The following ABCB7 variants were observed in gnomAD, a reference collection of about 807,000 sequenced individuals.
The protein encoded by ABCB7 is iron-sulfur clusters transporter ABCB7, mitochondrial.
A neutral mutation model predicts 54.4 loss-of-function variants in ABCB7; 7 were observed. The observed-to-expected ratio is 0.13, with a 90% CI of 0.07 to 0.24. The LOEUF (loss-of-function observed/expected upper bound fraction) is 0.24. Among genes scored for constraint, ABCB7 ranks in the 10% least tolerant of loss-of-function variants. The pLI, the probability that ABCB7 is intolerant of heterozygous loss-of-function variation, is 1.00. For synonymous variants in ABCB7, 218 were observed against 207.1 expected (o/e 1.05, Z -0.45); for missense variants, 356 against 570.4 (o/e 0.62, Z 3.83).
At chrX:75,151,965 T>C (rs1340085829) in intron 1 of ABCB7, among the ~76,000 whole-genome samples, 3 of 111,534 alleles carry the variant, frequency 2.7e-5, no homozygotes, top group Non-Finnish European at 5.6e-5. Context: ...TTCAATATCA[T>C]TCCTTCCAAG....
At chrX:75,127,712 T>A (rs1404579490) in intron 1 of ABCB7, among the ~76,000 whole-genome samples, 1 of 112,172 alleles carries the variant, frequency 8.9e-6, no homozygotes, top group Non-Finnish European at 1.9e-5. Flanking sequence ...TTCAGCAAAG[T>A]CACAGGATAC....
intron 12 of ABCB7, among the ~76,000 whole-genome samples, chrX:75,066,963 C>G (rs761557374): frequency 7.2e-5 from 8 of 111,819 alleles, no homozygotes; most frequent in Non-Finnish European, 1.3e-4. Context: ...ACTGATGCTA[C>G]TATAAATAAT....
intron 1 of ABCB7, among the ~76,000 whole-genome samples, chrX:75,120,306 G>C (rs1231237754): frequency 8.9e-6 from 1 of 112,093 alleles, no homozygotes; most frequent in East Asian, 2.8e-4. Flanking sequence ...ATTTGCATAA[G>C]TGCAATAAGA....
intron 15 of ABCB7, among the ~76,000 whole-genome samples, chrX:75,056,229 A>G (rs749534862): frequency 1.4e-4 from 16 of 111,701 alleles, no homozygotes; most frequent in Middle Eastern, 4.6e-3. Context: ...ATATGGTTTC[A>G]GCAACCAGTG....
At chrX:75,128,134 T>C (rs2081947829) in intron 1 of ABCB7, among the ~76,000 whole-genome samples, 1 of 111,734 alleles carries the variant, frequency 8.9e-6, no homozygotes. Flanking sequence ...AGAGCCCATA[T>C]AGCCAAGAGA....
chrX:75,107,617 G>A (rs1012601647), intron 3 of ABCB7, among the ~76,000 whole-genome samples: 1 of 110,640 alleles, frequency 9.0e-6, no homozygotes, highest in Non-Finnish European at 1.9e-5. Flanking sequence ...GGGAATCCAC[G>A]GCCTTGAAGG....
intron 5 of ABCB7, 26 bp from the exon 6 acceptor site, chrX:75,075,656 T>G (rs184127983): frequency 8.5e-7 from 1 of 1,183,402 alleles, no homozygotes; most frequent in Non-Finnish European, 1.1e-6. Context: ...AAAGAAAAAA[T>G]AGGATGTAAC....
At chrX:75,084,153 T>C (rs530706981) in intron 4 of ABCB7, among the ~76,000 whole-genome samples, 10 of 111,352 alleles carry the variant, frequency 9.0e-5, no homozygotes, top group South Asian at 3.8e-4. Flanking sequence ...GGCAAGGAAA[T>C]AGATTTTCCT....
chrX:75,086,238 A>C, intron 4 of ABCB7, among the ~76,000 whole-genome samples: 1 of 112,140 alleles, frequency 8.9e-6, no homozygotes, highest in Middle Eastern at 4.6e-3. Flanking sequence ...AAAGACTGGT[A>C]TATCATTACA....
At chrX:75,098,107 G>C (rs1191021973) in intron 4 of ABCB7, among the ~76,000 whole-genome samples, 1 of 111,086 alleles carries the variant, frequency 9.0e-6, no homozygotes, top group East Asian at 2.8e-4. Context: ...TCAGGAGTTA[G>C]AGACCAGCCT....
At chrX:75,082,943 T>C (rs779842806) in intron 4 of ABCB7, among the ~76,000 whole-genome samples, 1 of 111,284 alleles carries the variant, frequency 9.0e-6, no homozygotes, top group East Asian at 2.8e-4. Flanking sequence ...AGAAAACACA[T>C]AATAAAATGG....
intron 1 of ABCB7, among the ~76,000 whole-genome samples, chrX:75,140,371 C>T (rs2082045355): frequency 9.0e-6 from 1 of 110,842 alleles, no homozygotes; most frequent in South Asian, 3.8e-4. Flanking sequence ...TCAAGTCCAT[C>T]GTGGGCAATA....
intron 3 of ABCB7, among the ~76,000 whole-genome samples, chrX:75,110,677 C>T (rs1285344057): frequency 8.9e-6 from 1 of 111,736 alleles, no homozygotes; most frequent in Non-Finnish European, 1.9e-5. Context: ...AGATACATGG[C>T]TAACTAAATT....
At chrX:75,107,765 T>C (rs764463274) in intron 3 of ABCB7, among the ~76,000 whole-genome samples, 3 of 110,722 alleles carry the variant, frequency 2.7e-5, no homozygotes, top group Admixed American at 9.5e-5. Flanking sequence ...ACTCGGTACA[T>C]TGCCACCCGT....
intron 1 of ABCB7, among the ~76,000 whole-genome samples, chrX:75,142,054 C>T (rs1264234521): frequency 9.0e-6 from 1 of 111,517 alleles, no homozygotes; most frequent in Non-Finnish European, 1.9e-5. Context: ...AGAGAAGGGA[C>T]ATCTCTTCCT....
chrX:75,147,432 A>G (rs993460357), intron 1 of ABCB7, among the ~76,000 whole-genome samples: 2 of 112,133 alleles, frequency 1.8e-5, no homozygotes, highest in African/African-American at 6.5e-5. Flanking sequence ...ATGCCTATCA[A>G]TGACAGACTA....
intron 12 of ABCB7, among the ~76,000 whole-genome samples, chrX:75,067,641 T>C (rs1346275543): frequency 4.5e-5 from 5 of 110,662 alleles, no homozygotes; most frequent in African/African-American, 9.9e-5. Context: ...CCTGCCACCA[T>C]GCTCAGCTAA....
rs58879235 is a variant in ABCB7, at chrX:75,122,861, G to GGTGTGTGTGTGTGTGTGTGT, written c.169-8050_169-8031dup. Among the ~76,000 whole-genome samples, 551 of 93,135 alleles carry GGTGTGTGTGTGTGTGTGTGT rather than the reference G, an allele frequency of 5.9e-3. 12 individuals carry two copies. In the East Asian group the frequency reaches 0.077, roughly 13 times the overall value. The allele number at this position is 93,135 out of a possible 115,157, so 80.9% of individuals were successfully genotyped here. Reference sequence around the variant, plus strand: ...AGTCCTTTGCCCATTTTAAAATTGGGGTGTGTGTGTGTGTGTGTGTGTGTG... The same window carrying GGTGTGTGTGTGTGTGTGTGT: ...AGTCCTTTGCCCATTTTAAAATTGGGGTGTGTGTGTGTGTGTGTGTGTGTGTGTGTGTGTGTGTGTGTGTG... On this transcript the variant is annotated intron_variant, in intron 1 of 15. Transcript: ENST00000373394.
At chrX:75,063,086 C>T (rs190710138) in intron 13 of ABCB7, among the ~76,000 whole-genome samples, 5 of 111,314 alleles carry the variant, frequency 4.5e-5, no homozygotes, top group East Asian at 2.8e-4. Flanking sequence ...TCAAGGTCAC[C>T]GAGCAAGAAT....
Sources: allele counts gnomAD v4.1 joint callset (sites outside exome capture counted in the v4.1 genomes callset), GRCh38; gene constraint gnomAD v4.1.1; transcripts MANE v1.5; gene names NCBI Gene and HGNC (gene_info 2026-07-23, HGNC 2026-07-21).